LMBR1: variants seen among roughly 807,000 people sequenced by gnomAD.
The protein encoded by LMBR1 is limb development membrane protein 1.
LMBR1 carries 52 observed loss-of-function variants against 73.9 expected under a neutral mutation model. The observed-to-expected ratio is 0.70, with a 90% CI of 0.56 to 0.89. LMBR1 has a LOEUF of 0.89. Among genes scored for constraint, LMBR1 ranks in the 40% least tolerant of loss-of-function variants. LMBR1 has a pLI of 0.00. For missense variants in LMBR1, 539 were observed against 579.8 expected (o/e 0.93, Z 0.72); for synonymous variants, 215 against 209.4 (o/e 1.03, Z -0.23).
At chr7:156,892,609 G>A (rs1803265986) in intron 1 of LMBR1, 1 of 249,016 alleles carries the variant, frequency 4.0e-6, no homozygotes. Context: ...CCCGCGGGAA[G>A]GGAAGGGCAG....
chr7:156,673,636 A>T (rs190707558), downstream of LMBR1, among the ~76,000 whole-genome samples: 2 of 152,250 alleles, frequency 1.3e-5, no homozygotes, highest in Admixed American at 1.3e-4. Flanking sequence ...CACCCCCTTC[A>T]TTCAAACCCC....
chr7:156,761,242 G>C (rs1292413446), intron 8 of LMBR1, among the ~76,000 whole-genome samples: 2 of 152,196 alleles, frequency 1.3e-5, no homozygotes. Context: ...AGGCAGTGAG[G>C]ATCCATGAAA....
At chr7:156,698,448 C>T (rs1365399341) in intron 15 of LMBR1, among the ~76,000 whole-genome samples, 1 of 152,242 alleles carries the variant, frequency 6.6e-6, no homozygotes, top group African/African-American at 2.4e-5. Flanking sequence ...CGTGAGAGCC[C>T]TGCCTTTGCA....
chr7:156,689,495 G>A (rs1173856980), intron 15 of LMBR1, among the ~76,000 whole-genome samples: 1 of 152,106 alleles, frequency 6.6e-6, no homozygotes, highest in Non-Finnish European at 1.5e-5. Flanking sequence ...ATCTACTACA[G>A]ATAGCCTCTA....
intron 4 of LMBR1, among the ~76,000 whole-genome samples, chr7:156,807,034 CT>C (rs35069242): frequency 0.34 from 51,771 of 150,726 alleles, 9,119 homozygotes; most frequent in East Asian, 0.57. Context: ...GACCATATGA[CT>C]TTTTTTTTTC....
Position 156,893,048 on chromosome 7 carries a change from C to T in LMBR1, c.-55G>A. 2 of 1,405,152 alleles carry T rather than the reference C, an allele frequency of 1.4e-6. No individual in the cohort carries two copies. The highest frequency in any genetic ancestry group is 1.9e-6 in the Non-Finnish European group (2 of 1,080,942). 87.0% of individuals were successfully genotyped at this position (1,405,152 alleles called of 1,614,324 possible). A position where few individuals can be genotyped will look rare whatever the true frequency, so the allele number is the denominator to read the frequency against. On this transcript the variant is annotated 5_prime_UTR_variant, in exon 1 of 17. Coordinates refer to ENST00000353442, the MANE Select transcript of LMBR1 (RefSeq NM_022458.4). ...GCGTCCGCGTGCTCCGCCACACCAT[C>T]GTCCGCCCGCCGCAGGGGCTCGGAC... is the stretch of plus-strand genomic sequence containing the variant.
intron 15 of LMBR1, among the ~76,000 whole-genome samples, chr7:156,722,463 C>T (rs1814793485): frequency 6.6e-6 from 1 of 152,110 alleles, no homozygotes; most frequent in South Asian, 2.1e-4. Context: ...TCCCATAATG[C>T]TAAAATAAAG....
At chr7:156,714,466 C>A (rs977180800) in intron 15 of LMBR1, among the ~76,000 whole-genome samples, 1 of 152,138 alleles carries the variant, frequency 6.6e-6, no homozygotes, top group African/African-American at 2.4e-5. Flanking sequence ...TTCTAACACA[C>A]CTGAAGATTA....
chr7:156,739,046 A>G (rs1349859997), intron 9 of LMBR1, among the ~76,000 whole-genome samples: 1 of 152,160 alleles, frequency 6.6e-6, no homozygotes. Context: ...AACCAGGCCT[A>G]GGCTATTGAA....
intron 4 of LMBR1, among the ~76,000 whole-genome samples, chr7:156,671,470 A>G (rs1802494165): frequency 1.3e-5 from 2 of 152,228 alleles, no homozygotes; most frequent in African/African-American, 2.4e-5. Context: ...AGAACACCAC[A>G]CCGAGCAACG....
At chr7:156,810,441 G>A (rs981692170) in intron 4 of LMBR1, among the ~76,000 whole-genome samples, 2 of 152,162 alleles carry the variant, frequency 1.3e-5, no homozygotes, top group Non-Finnish European at 2.9e-5. Context: ...CCTCCAGGCT[G>A]GAGTGCAGTG....
chr7:156,748,365 G>A (rs1820214381), intron 9 of LMBR1, among the ~76,000 whole-genome samples: 1 of 152,018 alleles, frequency 6.6e-6, no homozygotes, highest in Non-Finnish European at 1.5e-5. Flanking sequence ...TAGATAAGAT[G>A]TTAAGATAAT....
intron 1 of LMBR1, among the ~76,000 whole-genome samples, chr7:156,878,671 C>T (rs542088154): frequency 3.5e-4 from 54 of 152,222 alleles, no homozygotes; most frequent in African/African-American, 1.3e-3. Context: ...ATCAAAATAC[C>T]ACCATCATTC....
intron 1 of LMBR1, among the ~76,000 whole-genome samples, chr7:156,865,289 A>C (rs1384545679): frequency 6.6e-6 from 1 of 152,172 alleles, no homozygotes; most frequent in Non-Finnish European, 1.5e-5. Context: ...GCACAGTGAC[A>C]AAGTGAGACC....
chr7:156,743,760 T>C (rs919023430), intron 9 of LMBR1, among the ~76,000 whole-genome samples: 2 of 152,230 alleles, frequency 1.3e-5, no homozygotes, highest in Non-Finnish European at 2.9e-5. Flanking sequence ...TACTTAGATA[T>C]ACTTTTCATT....
chr7:156,734,406 A>G (rs1817464161), intron 9 of LMBR1, 149 bp from the exon 10 acceptor site: 2 of 539,426 alleles, frequency 3.7e-6, no homozygotes, highest in Non-Finnish European at 6.6e-6. Flanking sequence ...AGGAAAGCAC[A>G]TCCATATATT....
intron 4 of LMBR1, among the ~76,000 whole-genome samples, chr7:156,805,215 C>CTTTTTT (rs58044015): frequency 2.4e-5 from 3 of 122,738 alleles, no homozygotes; most frequent in African/African-American, 3.0e-5. Flanking sequence ...ACATCATGCA[C>CTTTTTT]TTTTTTTTTT....
At chr7:156,892,660 G>A (rs1480323787) in intron 1 of LMBR1, 9 of 317,462 alleles carry the variant, frequency 2.8e-5, no homozygotes, top group South Asian at 7.9e-5. Context: ...GGGCTCGAAC[G>A]GAGGGAGCGC....
At chr7:156,889,047 C>CT (rs1802437589) in intron 1 of LMBR1, among the ~76,000 whole-genome samples, 1 of 138,978 alleles carries the variant, frequency 7.2e-6, no homozygotes, top group South Asian at 2.2e-4. Context: ...GAGAAAGACT[C>CT]TGTCTCAAAA....
Sources: allele counts gnomAD v4.1 joint callset (sites outside exome capture counted in the v4.1 genomes callset), GRCh38; gene constraint gnomAD v4.1.1; transcripts MANE v1.5; gene names NCBI Gene and HGNC (gene_info 2026-07-23, HGNC 2026-07-21).